FLNB: variants seen among roughly 807,000 people sequenced by gnomAD.
FLNB encodes filamin-B.
Under a neutral mutation model 250.6 loss-of-function variants are expected in FLNB, and 111 were observed. The ratio of observed to expected loss-of-function variants is 0.44; its 90% CI spans 0.38 to 0.52. The LOEUF (loss-of-function observed/expected upper bound fraction) is 0.52. Ranked by LOEUF, FLNB falls within the 20% of genes least tolerant of loss-of-function variation. The pLI is 0.00. For synonymous variants in FLNB, 1,302 were observed against 1,372.1 expected, an observed-to-expected ratio of 0.95 and a Z score of 1.13; for missense variants, 2,869 against 3,447.8, an observed-to-expected ratio of 0.83 and a Z score of 4.20.
chr3:58,080,396 T>C (rs2097207450), intron 3 of FLNB, among the ~76,000 whole-genome samples: 1 of 152,106 alleles, frequency 6.6e-6, no homozygotes, highest in Admixed American at 6.5e-5. Context: ...ATGATGGTAC[T>C]GAAACTGAGG....
At chr3:58,009,954 G>C (rs2097096001) in intron 1 of FLNB, among the ~76,000 whole-genome samples, 2 of 152,326 alleles carry the variant, frequency 1.3e-5, no homozygotes, top group South Asian at 4.1e-4. Flanking sequence ...GATGGTAGGG[G>C]CTGTGATGTG....
At chr3:58,042,765 C>G (rs1427086636) in intron 1 of FLNB, among the ~76,000 whole-genome samples, 1 of 152,132 alleles carries the variant, frequency 6.6e-6, no homozygotes, top group African/African-American at 2.4e-5. Context: ...GTTATACTCT[C>G]TCCTTTGCCT....
At chr3:58,057,893 C>T (rs978230433) in intron 1 of FLNB, among the ~76,000 whole-genome samples, 11 of 152,104 alleles carry the variant, frequency 7.2e-5, no homozygotes, top group South Asian at 6.2e-4. Context: ...CAGGTTCAAG[C>T]GATTCTCCTA....
rs1456071963 is a variant in FLNB at position 58,164,096 on chromosome 3, GAC to G, written c.7198+770_7198+771del. ...AGCTAATTGGTTCATTAGACAAGCA[GAC>G]ACAGAGTTTTGCTTTTGTCTTACAG... is the stretch of plus-strand genomic sequence containing the variant. On this transcript the variant is annotated intron_variant, in intron 43 of 45. Transcript: ENST00000295956. This position sits in a 1 kb window ranked among gnomAD's most constrained non-coding sequence, Gnocchi z 4.0. The G allele has an allele frequency of 6.6e-6, 1 of 152,320 alleles. No individual in the cohort carries two copies. The highest frequency in any genetic ancestry group is 1.5e-5 in the Non-Finnish European group (1 of 68,132). 9.4% of individuals were successfully genotyped at this position (152,320 alleles called of 1,614,324 possible). A position where few individuals can be genotyped will look rare whatever the true frequency, so the allele number is the denominator to read the frequency against.
chr3:58,030,012 G>GT (rs2097128695), intron 1 of FLNB, among the ~76,000 whole-genome samples: 1 of 152,210 alleles, frequency 6.6e-6, no homozygotes, highest in Non-Finnish European at 1.5e-5. Flanking sequence ...AAGTCAGGAT[G>GT]TGCTAATGGG....
chr3:58,097,830 G>A lies in FLNB; in HGVS notation c.1000G>A (p.Ala334Thr). 6.2e-7 allele frequency: 1 copy of A among 1,614,084 alleles called. No individual in the cohort carries two copies. Among genetic ancestry groups the A allele is most frequent in the Non-Finnish European group, 8.5e-7 (1 of 1,180,004 alleles). ...TGLHKVTVLF[A>T]GQHISKSPFE... ...TCACCTATAGGTCACAGTCCTCTTTGCAGGACAGCACATCTCCAAGAGCCC... is the reference window on the plus strand; with the variant it reads ...TCACCTATAGGTCACAGTCCTCTTTACAGGACAGCACATCTCCAAGAGCCC... The change falls in exon 7 of 46, where the codon GCA becomes ACA. Residue 334 changes from alanine (A) to threonine (T), a missense_variant. Ala to Thr is a moderately conservative substitution (Grantham distance 58). Around this residue, in one of 5 missense-constraint regions of FLNB, gnomAD observed 308 missense variants for 466.1 expected, o/e 0.66. Transcript: ENST00000295956.
intron 36 of FLNB, chr3:58,149,638 A>C: frequency 1.6e-6 from 1 of 612,930 alleles, no homozygotes; most frequent in Non-Finnish European, 2.9e-6. Flanking sequence ...TGTGGTCAAA[A>C]CCAGGTTCAG....
chr3:58,095,034 T>A, intron 5 of FLNB, 80 bp downstream of exon 5: 1 of 1,092,204 alleles, frequency 9.2e-7, no homozygotes, highest in Admixed American at 1.7e-5. Context: ...GGACTGTGCC[T>A]CCATTTTCAT....
rs2097335187 is a variant in FLNB, at chr3:58,145,919, A to G, written c.5426-2A>G. On this transcript the variant is annotated splice_acceptor_variant, in intron 32 of 45. Transcript: ENST00000295956. LOFTEE classifies it high-confidence loss of function. ...TTTTGTTTGTGTCCTTCGTAAACCC[A>G]GAGAGCCCACTCCAGTTCTACGTGA... 1 of 1,614,212 alleles carries G rather than the reference A, an allele frequency of 6.2e-7. No homozygotes were observed. The highest frequency in any genetic ancestry group is 1.7e-5 in the Admixed American group (1 of 60,022).
intron 4 of FLNB, among the ~76,000 whole-genome samples, chr3:58,086,910 C>T (rs1030840235): frequency 3.9e-5 from 6 of 152,058 alleles, no homozygotes; most frequent in Non-Finnish European, 8.8e-5. Context: ...GTCAGGAGAT[C>T]GAGACCATCC....
At position 58,141,933 on chromosome 3, in the gene FLNB, C is replaced by G. The variant is rs755886634; in HGVS notation, c.5181+4C>G. ...TCCCCCTGGATTCAGGCCCTGGGTACAATTTTGGTTTTTTCCTTTTTGTGT... is the reference window on the plus strand; with the variant it reads ...TCCCCCTGGATTCAGGCCCTGGGTAGAATTTTGGTTTTTTCCTTTTTGTGT... On this transcript the variant is annotated splice_donor_region_variant and intron_variant, in intron 30 of 45. Coordinates refer to ENST00000295956, the MANE Select transcript of FLNB (RefSeq NM_001457.4). The G allele has an allele frequency of 1.2e-6, 2 of 1,613,762 alleles. No homozygotes were observed. Among genetic ancestry groups the G allele is most frequent in the Non-Finnish European group, 1.7e-6 (2 of 1,179,690 alleles).
chr3:58,029,284 C>T (rs1257867887), intron 1 of FLNB, among the ~76,000 whole-genome samples: 1 of 152,046 alleles, frequency 6.6e-6, no homozygotes, highest in Non-Finnish European at 1.5e-5. Flanking sequence ...CATATTTCCC[C>T]CCTCAGATTA....
In FLNB at chr3:58,008,577, G is replaced by C. The variant is rs1420322834; in HGVS notation, c.13G>C (p.Glu5Gln). MPVT[E>Q]KDLAEDAPWK... Reference sequence around the variant, plus strand: ...CCCCGCCACCAGGATGCCGGTAACCGAGAAGGATCTAGCTGAGGACGCGCC... The same window carrying C: ...CCCCGCCACCAGGATGCCGGTAACCCAGAAGGATCTAGCTGAGGACGCGCC... The change falls in exon 1 of 46, where the codon GAG (glutamate) becomes CAG (glutamine). Residue 5 changes from glutamate to glutamine, a missense_variant. Coordinates refer to ENST00000295956, the MANE Select transcript of FLNB (RefSeq NM_001457.4). 6.3e-7 allele frequency: 1 copy of C among 1,599,056 alleles called. No homozygotes were observed.
chr3:58,038,718 G>A (rs1450041929), intron 1 of FLNB, among the ~76,000 whole-genome samples: 1 of 151,768 alleles, frequency 6.6e-6, no homozygotes, highest in Non-Finnish European at 1.5e-5. Flanking sequence ...GCGAGCCACT[G>A]TGCCTGGCCG....
chr3:58,126,625 G>A lies in FLNB; in HGVS notation c.4085G>A (p.Gly1362Asp). 1 of 1,614,014 alleles carries A rather than the reference G, an allele frequency of 6.2e-7. No homozygotes were observed. Among genetic ancestry groups the A allele is most frequent in the Non-Finnish European group, 8.5e-7 (1 of 1,179,928 alleles). ...VTRGAGIGGL[G>D]ITVEGPSESK... ...AGAGGCGCAGGAATTGGTGGGCTTG[G>A]CATAACTGTTGAGGGACCATCAGAG... Residue 1362 changes from glycine to aspartate, a missense_variant, in exon 24 of 46, where the codon GGC becomes GAC. Gly to Asp is a moderately conservative substitution (Grantham distance 94). Transcript: ENST00000295956.
intron 1 of FLNB, among the ~76,000 whole-genome samples, chr3:58,066,789 C>T (rs1440760657): frequency 6.6e-6 from 1 of 152,118 alleles, no homozygotes; most frequent in Non-Finnish European, 1.5e-5. Context: ...TTCCTGTTAA[C>T]CAGAAATAGG....
intron 1 of FLNB, among the ~76,000 whole-genome samples, chr3:58,032,916 G>C (rs1331465900): frequency 4.0e-5 from 6 of 151,654 alleles, no homozygotes; most frequent in Non-Finnish European, 8.8e-5. Flanking sequence ...TCCCTTCCCC[G>C]CCAAAAAAAA....
At chr3:58,120,580 C>T (rs1259080952) in intron 19 of FLNB, among the ~76,000 whole-genome samples, 2 of 152,288 alleles carry the variant, frequency 1.3e-5, no homozygotes, top group South Asian at 2.1e-4. Flanking sequence ...GAAACCATCA[C>T]GGTACAGTCA....
At chr3:58,160,444 A>C (rs1002903880) in intron 42 of FLNB, among the ~76,000 whole-genome samples, 1 of 152,224 alleles carries the variant, frequency 6.6e-6, no homozygotes, top group Admixed American at 6.5e-5. Flanking sequence ...AGAGTTGCTC[A>C]AAGTTTAGTG....
Sources: gnomAD v4.1 joint callset for allele counts (sites outside exome capture counted in the v4.1 genomes callset) on GRCh38, gnomAD v4.1.1 for gene constraint, gnomAD v4.1.1 regional missense constraint, Gnocchi (gnomAD v3.1) non-coding constraint, MANE v1.5 for transcripts, NCBI Gene and HGNC (gene_info 2026-07-23, HGNC 2026-07-21) for gene names.